The following NEDD9 variants were observed in gnomAD, a reference collection of about 807,000 sequenced individuals.
The protein encoded by NEDD9 is enhancer of filamentation 1.
Under a neutral mutation model 76.6 loss-of-function variants are expected in NEDD9, and 26 were observed. That is an observed-to-expected ratio of 0.34 (90% CI 0.25 to 0.47). NEDD9 has a LOEUF of 0.47. Ranked by LOEUF, NEDD9 falls within the 20% of genes least tolerant of loss-of-function variation. NEDD9 has a pLI of 1.00. For synonymous variants in NEDD9, 392 were observed against 414.2 expected (o/e 0.95, Z 0.65); for missense variants, 937 against 1,058.5 (o/e 0.89, Z 1.59).
rs757738519 is a variant in NEDD9, at chr6:11,213,709, A to G, written c.31T>C (p.Leu11=). 1 of 1,614,118 alleles carries G rather than the reference A, an allele frequency of 6.2e-7. No homozygotes were observed. Among genetic ancestry groups the G allele is most frequent in the Non-Finnish European group, 8.5e-7 (1 of 1,179,980 alleles). The change falls in exon 2 of 7, where the codon TTA becomes CTA. Residue 11 remains leucine, a synonymous_variant. Coordinates refer to ENST00000379446, the MANE Select transcript of NEDD9 (RefSeq NM_006403.4). The surrounding 1 kb of genome is among the most constrained non-coding windows in gnomAD (Gnocchi z 5.4). Reference sequence around the variant, plus strand: ...GCACACTCTGGGACATTGTCATATAAGGCCCTTGCCATAAGATTCTAGGAG... The same window carrying G: ...GCACACTCTGGGACATTGTCATATAGGGCCCTTGCCATAAGATTCTAGGAG... The part of the protein sequence containing the change: MKYKNLMARA[L]YDNVPECAEE...
Position 11,370,973 on chromosome 6 carries a change from G to GT in NEDD9, c.-214+11165_-214+11166insA, listed in dbSNP as rs1762863858. On this transcript the variant is annotated intron_variant, in intron 1 of 3. Transcript: ENST00000397378. This position sits in a 1 kb window ranked among gnomAD's most constrained non-coding sequence, Gnocchi z 4.2. ...GACTTGTGGCCCAGAGCTGAATGAG[G>GT]AAGGGGACGGAGCCTGGCAGGGATC... Among the ~76,000 whole-genome samples the GT allele has an allele frequency of 6.6e-6, 1 of 152,156 alleles. No individual in the cohort carries two copies. The highest frequency in any genetic ancestry group is 2.4e-5 in the African/African-American group (1 of 41,424).
chr6:11,348,293 A>G (rs2113531389), intron 1 of NEDD9, among the ~76,000 whole-genome samples: 1 of 152,342 alleles, frequency 6.6e-6, no homozygotes, highest in East Asian at 1.9e-4. Context: ...ACACAAACAA[A>G]TAGAAAAATA....
intron 2 of NEDD9, among the ~76,000 whole-genome samples, chr6:11,310,171 T>C (rs1490508605): frequency 6.6e-6 from 1 of 152,164 alleles, no homozygotes; most frequent in East Asian, 1.9e-4. Context: ...CTGGGGAGCC[T>C]GTCAGCCTGC....
At chr6:11,381,864 A>G (rs376774887) in intron 1 of NEDD9, among the ~76,000 whole-genome samples, 18 of 152,242 alleles carry the variant, frequency 1.2e-4, no homozygotes, top group African/African-American at 1.7e-4. Flanking sequence ...GGGAGGGGCC[A>G]TGTACTTACA....
rs1762826711 is a variant in NEDD9 at position 11,369,582 on chromosome 6, T to C, written c.-214+12557A>G. Among the ~76,000 whole-genome samples the C allele has an allele frequency of 1.3e-5, 2 of 152,214 alleles. 1 individual carries two copies. Among genetic ancestry groups the C allele is most frequent in the Admixed American group, 1.3e-4 (2 of 15,286 alleles). On this transcript the variant is annotated intron_variant, in intron 1 of 3. Coordinates refer to the NEDD9 transcript ENST00000397378. Reference sequence around the variant, plus strand: ...TCACAAAGCAACGTAAACTCATTTTTAAATATCTAAAGACAGACAATGTCT... The same window carrying C: ...TCACAAAGCAACGTAAACTCATTTTCAAATATCTAAAGACAGACAATGTCT...
chr6:11,355,931 C>T (rs539800968), intron 1 of NEDD9, among the ~76,000 whole-genome samples: 5 of 152,098 alleles, frequency 3.3e-5, no homozygotes, highest in Admixed American at 1.3e-4. Context: ...CCGTGTTAGC[C>T]AGGATGGTCT....
intron 1 of NEDD9, among the ~76,000 whole-genome samples, chr6:11,360,636 C>T (rs1282251084): frequency 2.0e-5 from 3 of 152,190 alleles, no homozygotes; most frequent in Admixed American, 2.0e-4. Flanking sequence ...GCTTTCTCCC[C>T]TTTCACCTTC....
At position 11,232,494 on chromosome 6, in the gene NEDD9, A is replaced by C. The variant is rs761074858; in HGVS notation, c.12+10T>G. ...GCTTGCAAGGTAACCTGTAAAAGGC[A>C]CTCTCTTACCTTATACTTCATTTCG... On this transcript the variant is annotated intron_variant, in intron 1 of 6. Transcript: ENST00000379446. 2 of 1,613,834 alleles carry C rather than the reference A, an allele frequency of 1.2e-6. No homozygotes were observed. Among genetic ancestry groups the C allele is most frequent in the Admixed American group, 1.7e-5 (1 of 59,982 alleles).
At chr6:11,279,838 T>C (rs1214030067) in intron 3 of NEDD9, among the ~76,000 whole-genome samples, 1 of 152,182 alleles carries the variant, frequency 6.6e-6, no homozygotes, top group Admixed American at 6.5e-5. Flanking sequence ...TCCCTCCAGT[T>C]CTTCAAGGAC....
chr6:11,316,553 C>G (rs1761568775), intron 2 of NEDD9, among the ~76,000 whole-genome samples: 1 of 152,154 alleles, frequency 6.6e-6, no homozygotes, highest in African/African-American at 2.4e-5. Flanking sequence ...ATATTGTATC[C>G]TAAAGGCAAT....
At chr6:11,294,218 A>G (rs1474840033) in intron 3 of NEDD9, among the ~76,000 whole-genome samples, 1 of 152,114 alleles carries the variant, frequency 6.6e-6, no homozygotes. Flanking sequence ...GCTACATATG[A>G]TAATTGTATT....
At chr6:11,299,277 G>A (rs887957450) in intron 3 of NEDD9, among the ~76,000 whole-genome samples, 3 of 152,322 alleles carry the variant, frequency 2.0e-5, no homozygotes, top group African/African-American at 4.8e-5. Flanking sequence ...GCTGCAGCTT[G>A]AGGGGGGGAG....
intron 1 of NEDD9, among the ~76,000 whole-genome samples, chr6:11,354,956 G>A (rs953724026): frequency 1.3e-5 from 2 of 152,202 alleles, no homozygotes; most frequent in Non-Finnish European, 2.9e-5. Flanking sequence ...GTCCTGATGA[G>A]GTGGAGCCCC....
At chr6:11,348,440 A>G (rs1015751455) in intron 1 of NEDD9, among the ~76,000 whole-genome samples, 9 of 152,236 alleles carry the variant, frequency 5.9e-5, no homozygotes, top group African/African-American at 1.7e-4. Flanking sequence ...TTTAAAAATT[A>G]GTATGGAACC....
chr6:11,336,406 C>G (rs779274151), intron 1 of NEDD9, among the ~76,000 whole-genome samples: 1 of 152,204 alleles, frequency 6.6e-6, no homozygotes, highest in African/African-American at 2.4e-5. Context: ...AAGTAGACAG[C>G]ATGTCACTGT....
rs1183623638 is a variant in NEDD9 at position 11,241,930 on chromosome 6, G to A, written c.13-28203C>T. ...ATAATACAAGGCCTGGTGGAGAGGC[G>A]GGTGAGAGGAATGTGGCGGGAACAC... On this transcript the variant is annotated intron_variant, in intron 3 of 3. Transcript: ENST00000397378. This position sits in a 1 kb window ranked among gnomAD's most constrained non-coding sequence, Gnocchi z 4.0. 6.6e-6 allele frequency among the ~76,000 whole-genome samples: 1 copy of A among 152,232 alleles called. No individual in the cohort carries two copies. Among genetic ancestry groups the A allele is most frequent in the Non-Finnish European group, 1.5e-5 (1 of 68,038 alleles).
chr6:11,232,694 G>A (rs565183576), upstream of NEDD9: 19 of 1,452,944 alleles, frequency 1.3e-5, no homozygotes, highest in South Asian at 2.1e-4. Context: ...ACTGAGGCAG[G>A]CTGATCGCGG....
chr6:11,338,832 G>A (rs1051126636), intron 1 of NEDD9, among the ~76,000 whole-genome samples: 1 of 150,622 alleles, frequency 6.6e-6, no homozygotes, highest in Admixed American at 6.6e-5. Flanking sequence ...TGAGGCAGGA[G>A]AATTGCTTGA....
intron 1 of NEDD9, among the ~76,000 whole-genome samples, chr6:11,367,339 C>A (rs538334702): frequency 6.6e-6 from 1 of 152,294 alleles, no homozygotes; most frequent in South Asian, 2.1e-4. Flanking sequence ...TTGTGATCAT[C>A]CTACATCAAG....
Sources: gnomAD v4.1 joint callset for allele counts (sites outside exome capture counted in the v4.1 genomes callset) on GRCh38, gnomAD v4.1.1 for gene constraint, Gnocchi (gnomAD v3.1) non-coding constraint, MANE v1.5 for transcripts, NCBI Gene and HGNC (gene_info 2026-07-23, HGNC 2026-07-21) for gene names.